The following GABRG3 variants were observed in gnomAD, a reference collection of about 807,000 sequenced individuals.
GABRG3 encodes gamma-aminobutyric acid type A receptor subunit gamma3.
In GABRG3, 25 loss-of-function variants were observed where a neutral mutation model predicts 48.8. That is an observed-to-expected ratio of 0.51 (90% CI 0.37 to 0.72). The LOEUF (loss-of-function observed/expected upper bound fraction) is 0.72. Ranked by LOEUF, GABRG3 falls within the 30% of genes least tolerant of loss-of-function variation. The pLI is 0.00. For missense variants in GABRG3, 394 were observed against 577.9 expected, an observed-to-expected ratio of 0.68 and a Z score of 3.26; for synonymous variants, 227 against 217.6, an observed-to-expected ratio of 1.04 and a Z score of -0.38.
intron 3 of GABRG3, among the ~76,000 whole-genome samples, chr15:27,225,221 T>C (rs1410921060): frequency 1.3e-5 from 2 of 152,118 alleles, no homozygotes; most frequent in Admixed American, 6.5e-5. Context: ...ACAACAGATA[T>C]ACCTGAAAGC....
intron 3 of GABRG3, among the ~76,000 whole-genome samples, chr15:27,054,542 A>G (rs929351849): frequency 2.6e-5 from 4 of 152,224 alleles, no homozygotes; most frequent in African/African-American, 9.6e-5. Context: ...AACATTCCCA[A>G]GGCTGTAAGA....
At chr15:27,220,923 G>T (rs148509203) in intron 3 of GABRG3, among the ~76,000 whole-genome samples, 1 of 151,892 alleles carries the variant, frequency 6.6e-6, no homozygotes, top group Non-Finnish European at 1.5e-5. Flanking sequence ...TATTCAGTTC[G>T]ATCTTCAGAA....
intron 3 of GABRG3, among the ~76,000 whole-genome samples, chr15:27,132,213 C>G (rs1203710404): frequency 6.6e-6 from 1 of 152,018 alleles, no homozygotes; most frequent in Non-Finnish European, 1.5e-5. Context: ...TTCCCCAGAC[C>G]AATGTCATGT....
At chr15:27,372,629 T>A (rs1437760146) in intron 5 of GABRG3, among the ~76,000 whole-genome samples, 3 of 152,192 alleles carry the variant, frequency 2.0e-5, no homozygotes, top group Non-Finnish European at 2.9e-5. Context: ...TGGTTTCAAG[T>A]GATCCTCTTG....
chr15:27,308,643 TAC>T (rs1289316914), intron 3 of GABRG3, among the ~76,000 whole-genome samples: 1 of 149,242 alleles, frequency 6.7e-6, no homozygotes, highest in African/African-American at 2.4e-5. Flanking sequence ...AATGTAAACA[TAC>T]GCTTATGTAT....
chr15:27,341,678 C>G (rs1195409232), intron 5 of GABRG3, among the ~76,000 whole-genome samples: 2 of 152,166 alleles, frequency 1.3e-5, no homozygotes, highest in Non-Finnish European at 2.9e-5. Context: ...GCCAGCAAGT[C>G]TGCGCTCTCG....
intron 2 of GABRG3, among the ~76,000 whole-genome samples, chr15:27,003,759 T>C (rs906860019): frequency 4.0e-5 from 6 of 151,318 alleles, no homozygotes; most frequent in Admixed American, 3.3e-4. Context: ...GACGGGGTGG[T>C]GGCCTGGCAG....
At position 27,327,032 on chromosome 15, in the gene GABRG3, A is replaced by G. The variant is rs1209175526; in HGVS notation, c.491+3A>G. 8.7e-6 allele frequency: 14 copies of G among 1,610,004 alleles called. No homozygotes were observed. Among genetic ancestry groups the G allele is most frequent in the Non-Finnish European group, 1.1e-5 (13 of 1,177,218 alleles). The stretch of plus-strand genomic sequence containing the variant: ...GGGAAAATCCTTTACACTTTGAGGT[A>G]AGATGCTGCATCGATCTTTGATTAC... On this transcript the variant is annotated splice_donor_region_variant and intron_variant, in intron 4 of 9. Transcript: ENST00000615808.
chr15:27,470,336 A>G lies in GABRG3; in HGVS notation c.575-10314A>G, dbSNP rs193168063. On this transcript the variant is annotated intron_variant, in intron 5 of 9. Coordinates refer to ENST00000615808, the MANE Select transcript of GABRG3 (RefSeq NM_033223.5). ...CCTCCTGGGTTCAAGCAGTTCTTCT[A>G]CCTCAGCCTCCCAAGTAACTGAGAT... is the stretch of plus-strand genomic sequence containing the variant. 5.6e-3 allele frequency among the ~76,000 whole-genome samples: 834 copies of G among 149,022 alleles called. 3 individuals are homozygous for G. Among genetic ancestry groups the G allele is most frequent in the Non-Finnish European group, 8.7e-3 (585 of 67,478 alleles).
intron 3 of GABRG3, among the ~76,000 whole-genome samples, chr15:27,120,444 T>C (rs1223817909): frequency 6.6e-6 from 1 of 152,208 alleles, no homozygotes; most frequent in Non-Finnish European, 1.5e-5. Context: ...CTTCTTTCCT[T>C]AGGGATGCAT....
At chr15:27,225,750 C>T (rs1260997608) in intron 3 of GABRG3, among the ~76,000 whole-genome samples, 1 of 152,080 alleles carries the variant, frequency 6.6e-6, no homozygotes, top group African/African-American at 2.4e-5. Flanking sequence ...AACAGGTGCC[C>T]TCCACCTGCC....
intron 3 of GABRG3, among the ~76,000 whole-genome samples, chr15:27,260,088 C>T (rs6606892): frequency 0.57 from 86,465 of 152,074 alleles, 25,887 homozygotes; most frequent in Non-Finnish European, 0.67. Context: ...ATGTGTTGTC[C>T]TAGTCTGCCC....
chr15:27,230,907 G>C (rs559775574), intron 3 of GABRG3, among the ~76,000 whole-genome samples: 1 of 152,288 alleles, frequency 6.6e-6, no homozygotes, highest in African/African-American at 2.4e-5. Flanking sequence ...ATGCAGCAGG[G>C]TGAGGAGCAG....
intron 5 of GABRG3, among the ~76,000 whole-genome samples, chr15:27,462,279 C>A (rs1317861518): frequency 3.3e-5 from 5 of 152,090 alleles, no homozygotes; most frequent in Non-Finnish European, 7.3e-5. Flanking sequence ...AAGGATAAGC[C>A]CAGGAGAGCA....
In GABRG3 at chr15:27,308,660, A is replaced by C. The variant is rs1401271568; in HGVS notation, c.271-18149A>C. 2.7e-5 allele frequency among the ~76,000 whole-genome samples: 4 copies of C among 149,232 alleles called. No homozygotes were observed. In the East Asian group the frequency reaches 8.3e-4, roughly 31 times the overall value. ...TGTAAACATACGCTTATGTATAAAC[A>C]TATAATGTAAACATACGCTTATGTA... On this transcript the variant is annotated intron_variant, in intron 3 of 9. Coordinates refer to ENST00000615808, the MANE Select transcript of GABRG3 (RefSeq NM_033223.5).
intron 3 of GABRG3, among the ~76,000 whole-genome samples, chr15:27,255,075 T>G (rs752562802): frequency 1.3e-5 from 2 of 152,190 alleles, no homozygotes; most frequent in Non-Finnish European, 2.9e-5. Flanking sequence ...GCAAAGATCC[T>G]GGCTCTACAT....
chr15:27,152,451 G>A (rs931148848), intron 3 of GABRG3, among the ~76,000 whole-genome samples: 1 of 152,044 alleles, frequency 6.6e-6, no homozygotes, highest in Non-Finnish European at 1.5e-5. Flanking sequence ...TTAAAAAATT[G>A]GTTTTGCTAT....
intron 3 of GABRG3, among the ~76,000 whole-genome samples, chr15:27,064,950 G>A (rs1156683645): frequency 6.6e-6 from 1 of 152,116 alleles, no homozygotes; most frequent in South Asian, 2.1e-4. Flanking sequence ...ATATACAATT[G>A]AGACACTAAT....
chr15:27,326,134 G>A (rs908352433), intron 3 of GABRG3, among the ~76,000 whole-genome samples: 1 of 152,136 alleles, frequency 6.6e-6, no homozygotes, highest in South Asian at 2.1e-4. Flanking sequence ...TGGGCACCGT[G>A]AACACTGCAG....
Sources: allele counts gnomAD v4.1 joint callset (sites outside exome capture counted in the v4.1 genomes callset), GRCh38; gene constraint gnomAD v4.1.1; transcripts MANE v1.5; gene names NCBI Gene and HGNC (gene_info 2026-07-23, HGNC 2026-07-21).